The following DDX10 variants were observed in gnomAD, a reference collection of about 807,000 sequenced individuals.
The protein encoded by DDX10 is DEAD-box helicase 10.
In DDX10, 74 loss-of-function variants were observed where a neutral mutation model predicts 104.3. The ratio of observed to expected loss-of-function variants is 0.71; its 90% CI spans 0.59 to 0.86. DDX10 has a LOEUF of 0.86. Ranked by LOEUF, DDX10 falls within the 40% of genes least tolerant of loss-of-function variation. The pLI, the probability that DDX10 is intolerant of heterozygous loss-of-function variation, is 0.00. For synonymous variants in DDX10, 351 were observed against 353.4 expected, an observed-to-expected ratio of 0.99 and a Z score of 0.08; for missense variants, 952 against 1,040.0, an observed-to-expected ratio of 0.92 and a Z score of 1.16.
At chr11:108,856,150 C>T (rs1190452532) in intron 16 of DDX10, among the ~76,000 whole-genome samples, 1 of 152,080 alleles carries the variant, frequency 6.6e-6, no homozygotes, top group African/African-American at 2.4e-5. Flanking sequence ...AAACTCTAGG[C>T]CGGGCATGGT....
At chr11:108,707,940 G>T (rs1401564700) in intron 10 of DDX10, among the ~76,000 whole-genome samples, 1 of 152,150 alleles carries the variant, frequency 6.6e-6, no homozygotes, top group Non-Finnish European at 1.5e-5. Context: ...TAGTAAACCT[G>T]CTATAAACAT....
At chr11:108,894,490 G>A (rs1036610085) in intron 16 of DDX10, among the ~76,000 whole-genome samples, 2 of 152,008 alleles carry the variant, frequency 1.3e-5, no homozygotes, top group Admixed American at 6.6e-5. Context: ...TAATTTTAAT[G>A]TGTAATTCGG....
At chr11:108,702,392 G>A (rs1417611046) in intron 9 of DDX10, among the ~76,000 whole-genome samples, 2 of 152,138 alleles carry the variant, frequency 1.3e-5, no homozygotes, top group Middle Eastern at 3.2e-3. Context: ...CTTGTAACAT[G>A]GAGAACCAGG....
chr11:108,737,866 T>C (rs573061824), intron 13 of DDX10, among the ~76,000 whole-genome samples: 16 of 152,300 alleles, frequency 1.1e-4, no homozygotes, highest in South Asian at 8.3e-4. Flanking sequence ...TTTCCTATTA[T>C]ATCTTTGGGT....
intron 14 of DDX10, among the ~76,000 whole-genome samples, chr11:108,840,880 C>A (rs143880050): frequency 6.6e-6 from 1 of 152,286 alleles, no homozygotes. Context: ...TAAAACAACG[C>A]AGTGCAATGA....
intron 11 of DDX10, among the ~76,000 whole-genome samples, chr11:108,716,194 C>T (rs1350207905): frequency 2.6e-5 from 4 of 152,176 alleles, no homozygotes; most frequent in Admixed American, 2.0e-4. Flanking sequence ...CTCCCAGGCT[C>T]AAGTGATTCT....
chr11:108,749,070 T>C (rs957106002), intron 13 of DDX10, among the ~76,000 whole-genome samples: 152 of 150,836 alleles, frequency 1.0e-3, no homozygotes, highest in African/African-American at 2.9e-3. Flanking sequence ...CTCTCTCTCT[T>C]TCTCTCTCTC....
intron 13 of DDX10, among the ~76,000 whole-genome samples, chr11:108,835,181 T>G (rs1862537287): frequency 6.6e-6 from 1 of 152,198 alleles, no homozygotes; most frequent in Non-Finnish European, 1.5e-5. Context: ...TTTTCCATTT[T>G]AGATGTTTTA....
intron 6 of DDX10, among the ~76,000 whole-genome samples, chr11:108,686,158 C>G (rs1349541717): frequency 6.6e-6 from 1 of 152,146 alleles, no homozygotes; most frequent in Non-Finnish European, 1.5e-5. Flanking sequence ...TTGCCACATA[C>G]CTGCTGTCCC....
In DDX10 at chr11:108,675,604, G is replaced by A. The variant is rs763277687; in HGVS notation, c.256G>A (p.Glu86Lys). 1 of 1,613,292 alleles carries A rather than the reference G, an allele frequency of 6.2e-7. No individual in the cohort carries two copies. The highest frequency in any genetic ancestry group is 1.1e-5 in the South Asian group (1 of 90,864). Residue 86 changes from glutamate (E) to lysine (K), a missense_variant, in exon 3 of 18, where the codon GAA becomes AAA. This residue lies in a region of DDX10 where 412 missense variants were observed against 479.2 expected (regional missense o/e 0.86). Transcript: ENST00000322536. ...LSKKTLKGLQ[E>K]AQYRLVTEIQ... ...TCCCTCCATGTTGCCAGGTTTGCAA[G>A]AAGCTCAGTACCGTTTGGTGACTGA... is the stretch of plus-strand genomic sequence containing the variant.
chr11:108,698,082 G>A (rs2094262417), intron 9 of DDX10, among the ~76,000 whole-genome samples: 1 of 152,172 alleles, frequency 6.6e-6, no homozygotes, highest in Non-Finnish European at 1.5e-5. Flanking sequence ...CCAAACCTTA[G>A]CATTGCACAC....
chr11:108,806,804 G>A (rs941766878), intron 13 of DDX10, among the ~76,000 whole-genome samples: 3 of 152,120 alleles, frequency 2.0e-5, no homozygotes, highest in African/African-American at 7.2e-5. Context: ...ACTGTGTGAA[G>A]GCCTTACAGT....
intron 7 of DDX10, 38 bp downstream of exon 7, chr11:108,689,100 A>T (rs2094248550): frequency 6.2e-7 from 1 of 1,606,636 alleles, no homozygotes; most frequent in Non-Finnish European, 8.5e-7. Flanking sequence ...ACGTATGTTG[A>T]ATGTCCCTTT....
At chr11:108,906,624 T>G (rs1407960755) in intron 16 of DDX10, among the ~76,000 whole-genome samples, 1 of 152,240 alleles carries the variant, frequency 6.6e-6, no homozygotes, top group African/African-American at 2.4e-5. Flanking sequence ...TTAGAGTGTT[T>G]ATTATTGTAA....
chr11:108,904,991 A>G (rs1863570706), intron 16 of DDX10, among the ~76,000 whole-genome samples: 1 of 152,192 alleles, frequency 6.6e-6, no homozygotes, highest in Non-Finnish European at 1.5e-5. Flanking sequence ...AGCTCAGGAT[A>G]GTCTAATTTG....
At chr11:108,764,343 TA>T (rs1306985752) in intron 13 of DDX10, among the ~76,000 whole-genome samples, 1 of 152,112 alleles carries the variant, frequency 6.6e-6, no homozygotes, top group Non-Finnish European at 1.5e-5. Flanking sequence ...TTATTTTTTA[TA>T]AAATTCTCTC....
intron 16 of DDX10, among the ~76,000 whole-genome samples, chr11:108,884,250 C>T (rs1182688951): frequency 1.3e-5 from 2 of 152,216 alleles, no homozygotes; most frequent in African/African-American, 4.8e-5. Flanking sequence ...TCTTCTCCAT[C>T]ATGGTATATG....
intron 12 of DDX10, among the ~76,000 whole-genome samples, chr11:108,721,017 C>T (rs140582503): frequency 6.6e-6 from 1 of 151,522 alleles, no homozygotes; most frequent in Non-Finnish European, 1.5e-5. Flanking sequence ...TTGAGATAAT[C>T]ATACTTTGAA....
At chr11:108,728,227 A>G (rs1247240012) in intron 13 of DDX10, among the ~76,000 whole-genome samples, 1 of 152,124 alleles carries the variant, frequency 6.6e-6, no homozygotes, top group Non-Finnish European at 1.5e-5. Flanking sequence ...AGTCCTGCTC[A>G]GACTTAGTGT....
Sources: allele counts gnomAD v4.1 joint callset (sites outside exome capture counted in the v4.1 genomes callset), GRCh38; gene constraint gnomAD v4.1.1; regional missense constraint gnomAD v4.1.1; transcripts MANE v1.5; gene names NCBI Gene and HGNC (gene_info 2026-07-23, HGNC 2026-07-21).